The following ABCG2 variants were observed in gnomAD, a reference collection of about 807,000 sequenced individuals.
ABCG2 encodes ATP binding cassette subfamily G member 2 (JR blood group).
A neutral mutation model predicts 73.5 loss-of-function variants in ABCG2; 80 were observed. That is an observed-to-expected ratio of 1.09 (90% CI 0.91 to 1.31). The LOEUF (loss-of-function observed/expected upper bound fraction) is 1.31. Among genes scored for constraint, ABCG2 ranks in the 50% most tolerant of loss-of-function variants. The probability of loss-of-function intolerance (pLI) is 0.00; values close to 1 mark genes in which losing one functional copy is unlikely to be tolerated. For missense variants in ABCG2, 796 were observed against 786.2 expected, an observed-to-expected ratio of 1.01 and a Z score of -0.15; for synonymous variants, 269 against 282.4, an observed-to-expected ratio of 0.95 and a Z score of 0.48.
intron 1 of ABCG2, among the ~76,000 whole-genome samples, chr4:88,143,429 A>C (rs3114018): frequency 0.49 from 73,871 of 152,024 alleles, 18,681 homozygotes; most frequent in East Asian, 0.64. Flanking sequence ...GCTTGAATTT[A>C]AATAGCTCAC....
At position 88,115,283 on chromosome 4, in the gene ABCG2, TA is replaced by T. The variant is rs1256684901; in HGVS notation, c.842-226del. Reference sequence around the variant, plus strand: ...ATATATATATATATATATATATATATAATTTATTTATTTATTTTGAGACAGG... The same window carrying T: ...ATATATATATATATATATATATATATATTTATTTATTTATTTTGAGACAGG... On this transcript the variant is annotated intron_variant, in intron 7 of 15. Transcript: ENST00000237612. Among the ~76,000 whole-genome samples the T allele has an allele frequency of 5.0e-4, 56 of 112,552 alleles. 12 individuals carry two copies. The highest frequency in any genetic ancestry group is 1.2e-3 in the East Asian group (4 of 3,232). 73.8% of individuals were successfully genotyped at this position (112,552 alleles called of 152,430 possible). A position where few individuals can be genotyped will look rare whatever the true frequency, so the allele number is the denominator to read the frequency against.
chr4:88,155,197 C>T (rs919305572), intron 1 of ABCG2, among the ~76,000 whole-genome samples: 1 of 151,912 alleles, frequency 6.6e-6, no homozygotes, highest in Admixed American at 6.6e-5. Context: ...GTTAGGATGG[C>T]GAAACCAGGT....
In ABCG2 at chr4:88,169,983, C is replaced by T. The variant is rs144839722; in HGVS notation, c.-19-29969G>A. On this transcript the variant is annotated intron_variant, in intron 1 of 15. Coordinates refer to the ABCG2 transcript ENST00000515655. Reference sequence around the variant, plus strand: ...AAAATTAGCCAGGCATGGTGGCATGCGCCTGTAGTCCCAGCTACTCGGGAG... The same window carrying T: ...AAAATTAGCCAGGCATGGTGGCATGTGCCTGTAGTCCCAGCTACTCGGGAG... Among the ~76,000 whole-genome samples the T allele has an allele frequency of 7.4e-3, 1,125 of 152,026 alleles. 14 individuals are homozygous for T. Among genetic ancestry groups the T allele is most frequent in the African/African-American group, 0.023 (934 of 41,476 alleles).
chr4:88,144,534 C>CA (rs1253342442), intron 1 of ABCG2, among the ~76,000 whole-genome samples: 1 of 140,434 alleles, frequency 7.1e-6, no homozygotes, highest in African/African-American at 2.7e-5. Flanking sequence ...AGGCTCACTG[C>CA]AACCTCCGCC....
rs2110166137 is a variant in ABCG2, at chr4:88,092,330, C to G, written c.1872G>C (p.Trp624Cys). 5 of 1,613,706 alleles carry G rather than the reference C, an allele frequency of 3.1e-6. No homozygotes were observed. The highest frequency in any genetic ancestry group is 4.2e-6 in the Non-Finnish European group (5 of 1,179,902). ...AGGCCACGTGATTCTTCCACAAGCCCCAGGGTGAGAGATCGATGCCCTGCT... is the reference window on the plus strand; with the variant it reads ...AGGCCACGTGATTCTTCCACAAGCCGCAGGGTGAGAGATCGATGCCCTGCT... ...LVKQGIDLSP[W>C]GLWKNHVALA... Residue 624 changes from tryptophan (W) to cysteine (C), a missense_variant, in exon 16 of 16, where the codon TGG (tryptophan) becomes TGC (cysteine). By Grantham distance (215) the Trp-to-Cys change is radical. Coordinates refer to ENST00000237612, the MANE Select transcript of ABCG2 (RefSeq NM_004827.3).
intron 12 of ABCG2, 84 bp from the exon 13 acceptor site, chr4:88,097,691 T>A (rs1215326623): frequency 1.4e-6 from 2 of 1,407,042 alleles, no homozygotes; most frequent in Admixed American, 2.4e-5. Flanking sequence ...AATTTAACAC[T>A]AATATTTTGA....
intron 2 of ABCG2, among the ~76,000 whole-genome samples, chr4:88,137,032 A>AAAT (rs1418897490): frequency 6.7e-6 from 1 of 150,214 alleles, no homozygotes; most frequent in Non-Finnish European, 1.5e-5. Context: ...AAATAAAATA[A>AAAT]AATAAAATAA....
Position 88,101,293 on chromosome 4 carries a change from G to T in ABCG2, c.1304C>A (p.Thr435Asn), listed in dbSNP as rs757254775. ...NRAGVLFFLTTNQCFSSVSAV... is the reference protein window; with the variant it reads ...NRAGVLFFLTNNQCFSSVSAV... ...TGAAACACTGCTGAAACACTGGTTGGTCGTCAGGAAGAAGAGAACCCCAGC... is the reference window on the plus strand; with the variant it reads ...TGAAACACTGCTGAAACACTGGTTGTTCGTCAGGAAGAAGAGAACCCCAGC... The change falls in exon 11 of 16, where the codon ACC becomes AAC. Residue 435 changes from threonine to asparagine, a missense_variant. Thr to Asn is a moderately conservative substitution (Grantham distance 65, BLOSUM62 0). Transcript: ENST00000237612. 6.2e-7 allele frequency: 1 copy of T among 1,614,134 alleles called. No homozygotes were observed. Among genetic ancestry groups the T allele is most frequent in the East Asian group, 2.2e-5 (1 of 44,880 alleles).
At chr4:88,227,351 G>A (rs1410361036) in intron 1 of ABCG2, among the ~76,000 whole-genome samples, 6 of 152,094 alleles carry the variant, frequency 3.9e-5, no homozygotes, top group Non-Finnish European at 7.4e-5. Context: ...AGCCGAGATC[G>A]CGCCATTGTA....
At chr4:88,125,613 A>C (rs1458756481) in intron 5 of ABCG2, among the ~76,000 whole-genome samples, 4 of 145,156 alleles carry the variant, frequency 2.8e-5, no homozygotes, top group African/African-American at 5.2e-5. Context: ...GTCTCAAAAA[A>C]AAAAAAAAAA....
upstream of ABCG2, among the ~76,000 whole-genome samples, chr4:88,160,012 G>A (rs1727213934): frequency 6.6e-6 from 1 of 152,094 alleles, no homozygotes; most frequent in Non-Finnish European, 1.5e-5. Flanking sequence ...GGAGGCTGAC[G>A]CAGGCAGATC....
At chr4:88,176,477 C>CTTTTTT (rs34754034) in intron 1 of ABCG2, among the ~76,000 whole-genome samples, 7 of 84,858 alleles carry the variant, frequency 8.2e-5, no homozygotes, top group African/African-American at 1.8e-4. Context: ...AAAGAGAATG[C>CTTTTTT]TTTTTTTTTT....
Position 88,139,837 on chromosome 4 carries a change from T to C in ABCG2, c.159A>G (p.Leu53=). The C allele has an allele frequency of 6.2e-7, 1 of 1,614,152 alleles. No individual in the cohort carries two copies. Residue 53 remains leucine, a synonymous_variant, in exon 2 of 16, where the codon CTA becomes CTG. Transcript: ENST00000237612. The part of the protein sequence containing the change: ...CYRVKLKSGF[L]PCRKPVEKEI... ...CTTTCTCAACTGGTTTTCGACAAGG[T>C]AGAAAGCCACTCTTCAGTTTTACTC...
upstream of ABCG2, among the ~76,000 whole-genome samples, chr4:88,160,354 A>G (rs925963575): frequency 6.6e-6 from 1 of 152,148 alleles, no homozygotes; most frequent in African/African-American, 2.4e-5. Context: ...TTTTTAGCTC[A>G]CCCAGATAAG....
In ABCG2 at chr4:88,113,337, T is replaced by C. The variant is rs1251253139; in HGVS notation, c.1160A>G (p.Asn387Ser). ...AGAGGCCTGGGGATTACCCAGCAAG[T>C]TTTTGAATGAACGCTTGGAAACCCA... Reference protein sequence around the residue: ...LRWVSKRSFKNLLGNPQASIA... With the variant: ...LRWVSKRSFKSLLGNPQASIA... The change falls in exon 9 of 16, where the codon AAC becomes AGC. Residue 387 changes from asparagine (N) to serine (S), a missense_variant. By Grantham distance (46) the Asn-to-Ser change is conservative. Transcript: ENST00000237612. 1.2e-6 allele frequency: 2 copies of C among 1,613,964 alleles called. No individual in the cohort carries two copies. The highest frequency in any genetic ancestry group is 1.7e-6 in the Non-Finnish European group (2 of 1,180,024).
At chr4:88,152,505 G>C (rs987758272) in intron 1 of ABCG2, among the ~76,000 whole-genome samples, 3 of 152,118 alleles carry the variant, frequency 2.0e-5, no homozygotes, top group Admixed American at 2.0e-4. Context: ...TCTCTGGTGG[G>C]CAGGGGTGGG....
At chr4:88,194,528 C>G (rs529676791) in intron 1 of ABCG2, among the ~76,000 whole-genome samples, 1 of 120,682 alleles carries the variant, frequency 8.3e-6, no homozygotes. Context: ...CCAGCCTGGG[C>G]GACAGAGCCA....
At chr4:88,184,703 T>C (rs1326391105) in intron 1 of ABCG2, among the ~76,000 whole-genome samples, 3 of 152,120 alleles carry the variant, frequency 2.0e-5, no homozygotes, top group Non-Finnish European at 4.4e-5. Flanking sequence ...AAACAAATTC[T>C]AAACTTTATA....
At chr4:88,222,227 C>T (rs1376495030) in intron 1 of ABCG2, among the ~76,000 whole-genome samples, 1 of 152,170 alleles carries the variant, frequency 6.6e-6, no homozygotes, top group African/African-American at 2.4e-5. Flanking sequence ...GGAACCTCCG[C>T]CTACATTTTG....
Sources: allele counts gnomAD v4.1 joint callset (sites outside exome capture counted in the v4.1 genomes callset), GRCh38; gene constraint gnomAD v4.1.1; transcripts MANE v1.5; gene names NCBI Gene and HGNC (gene_info 2026-07-23, HGNC 2026-07-21).